CDC16: variants seen among roughly 807,000 people sequenced by gnomAD.
CDC16 encodes cell division cycle 16.
Under a neutral mutation model 87.0 loss-of-function variants are expected in CDC16, and 34 were observed. That is an observed-to-expected ratio of 0.39 (90% CI 0.30 to 0.52). CDC16 has a LOEUF of 0.52. Among genes scored for constraint, CDC16 ranks in the 20% least tolerant of loss-of-function variants. The pLI, the probability that CDC16 is intolerant of heterozygous loss-of-function variation, is 0.74. For synonymous variants in CDC16, 263 were observed against 260.6 expected, an observed-to-expected ratio of 1.01 and a Z score of -0.09; for missense variants, 653 against 751.9, an observed-to-expected ratio of 0.87 and a Z score of 1.54.
intron 6 of CDC16, 121 bp downstream of exon 6, chr13:114,242,401 C>A (rs2081597369): frequency 1.2e-6 from 1 of 845,720 alleles, no homozygotes; most frequent in Non-Finnish European, 1.9e-6. Context: ...GACCTACTCA[C>A]TTTCTTAATG....
At chr13:114,243,192 G>T in intron 6 of CDC16, 65 bp from the exon 7 acceptor site, 1 of 776,222 alleles carries the variant, frequency 1.3e-6, no homozygotes, top group Admixed American at 2.0e-5. Flanking sequence ...CATATTTTTA[G>T]TTGTTGGCTT....
In CDC16 at chr13:114,253,336, T is replaced by C. The variant is rs1001146400; in HGVS notation, c.1097+2662T>C. 3.9e-5 allele frequency among the ~76,000 whole-genome samples: 6 copies of C among 152,358 alleles called. No homozygotes were observed. The East Asian group carries it at 1.2e-3, about 29-fold the overall frequency. ...CCCAAATTTTCTTCTTTTGTTGTTT[T>C]TTAACTTAATTCCATTGTAGTTAGA... On this transcript the variant is annotated intron_variant, in intron 12 of 17. Transcript: ENST00000356221.
Position 114,238,970 on chromosome 13 carries a change from CAA to C in CDC16, c.202-18_202-17del. On this transcript the variant is annotated intron_variant, in intron 3 of 17. Transcript: ENST00000356221. ...CATATTATTTTGACCACTACTTAAACAAATTAATTTCTTTCCTAGTTGTATGA... is the reference window on the plus strand; with the variant it reads ...CATATTATTTTGACCACTACTTAAACATTAATTTCTTTCCTAGTTGTATGA... 6.2e-7 allele frequency: 1 copy of C among 1,606,588 alleles called. No homozygotes were observed. The highest frequency in any genetic ancestry group is 8.5e-7 in the Non-Finnish European group (1 of 1,175,098).
intron 15 of CDC16, among the ~76,000 whole-genome samples, chr13:114,262,515 C>T (rs1333763879): frequency 6.6e-6 from 1 of 152,202 alleles, no homozygotes; most frequent in Admixed American, 6.5e-5. Context: ...AAGCGATACT[C>T]CTTGACTGCT....
intron 17 of CDC16, among the ~76,000 whole-genome samples, chr13:114,267,898 C>A (rs1415807765): frequency 6.6e-6 from 1 of 152,202 alleles, no homozygotes; most frequent in East Asian, 1.9e-4. Flanking sequence ...TTAGGTAACA[C>A]CAGAGTGTGG....
At chr13:114,235,461 A>G (rs944380074) in intron 1 of CDC16, among the ~76,000 whole-genome samples, 2 of 152,232 alleles carry the variant, frequency 1.3e-5, no homozygotes, top group Non-Finnish European at 2.9e-5. Context: ...TTTGGAGGAA[A>G]GTTGCAGGGC....
chr13:114,269,168 T>A (rs1043268047), intron 17 of CDC16, among the ~76,000 whole-genome samples: 3 of 152,160 alleles, frequency 2.0e-5, no homozygotes, highest in African/African-American at 7.2e-5. Context: ...TCTAAAATGG[T>A]ACCATTCTCC....
chr13:114,270,413 C>T (rs1282162764), intron 17 of CDC16, among the ~76,000 whole-genome samples: 1 of 152,198 alleles, frequency 6.6e-6, no homozygotes, highest in Non-Finnish European at 1.5e-5. Flanking sequence ...TACCAGGCCC[C>T]ACCTCCAACA....
Position 114,236,890 on chromosome 13 carries a change from G to A in CDC16, c.195G>A (p.Leu65=). Residue 65 remains leucine, a synonymous_variant, in exon 3 of 18, where the codon CTG becomes CTA. Coordinates refer to ENST00000356221, the MANE Select transcript of CDC16 (RefSeq NM_001078645.3). The part of the protein sequence containing the change: ...RAAHALRSRK[L]DKLYEACRYL... ...CCCATGCACTTCGGTCACGAAAACTGGACAAAGTAAGTGATGGTATGAACT... is the reference window on the plus strand; with the variant it reads ...CCCATGCACTTCGGTCACGAAAACTAGACAAAGTAAGTGATGGTATGAACT... 2 of 1,581,096 alleles carry A rather than the reference G, an allele frequency of 1.3e-6. No individual in the cohort carries two copies. The highest frequency in any genetic ancestry group is 1.4e-5 in the African/African-American group (1 of 72,812).
chr13:114,250,532 T>G lies in CDC16; in HGVS notation c.972-17T>G. 1 of 1,604,804 alleles carries G rather than the reference T, an allele frequency of 6.2e-7. No individual in the cohort carries two copies. Among genetic ancestry groups the G allele is most frequent in the Non-Finnish European group, 8.5e-7 (1 of 1,173,652 alleles). On this transcript the variant is annotated splice_polypyrimidine_tract_variant and intron_variant, in intron 11 of 17. Coordinates refer to ENST00000356221, the MANE Select transcript of CDC16 (RefSeq NM_001078645.3). ...AGAATAAATACTATATGACTTAAAT[T>G]AACTCTTTTGTTTTAGCAAAGCCAC...
rs529878451 is a variant in CDC16 at position 114,270,378 on chromosome 13, C to A, written c.1604-1806C>A. 1.2e-4 allele frequency among the ~76,000 whole-genome samples: 18 copies of A among 152,290 alleles called. No homozygotes were observed. In the South Asian group the frequency reaches 2.7e-3, roughly 23 times the overall value. ...ATGGTACTAAACCATTCAGGAGAAACCACCCCCATGATCCAGTCACCTCCT... is the reference window on the plus strand; with the variant it reads ...ATGGTACTAAACCATTCAGGAGAAAACACCCCCATGATCCAGTCACCTCCT... On this transcript the variant is annotated intron_variant, in intron 17 of 17. Coordinates refer to ENST00000356221, the MANE Select transcript of CDC16 (RefSeq NM_001078645.3).
intron 13 of CDC16, 94 bp from the exon 14 acceptor site, chr13:114,259,241 A>G: frequency 2.8e-6 from 2 of 712,296 alleles, no homozygotes; most frequent in African/African-American, 1.9e-5. Context: ...ACCCCATTGC[A>G]TTTTAGTACT....
intron 4 of CDC16, 118 bp downstream of exon 4, chr13:114,239,146 A>C: frequency 1.4e-6 from 2 of 1,477,456 alleles, no homozygotes; most frequent in Middle Eastern, 2.0e-4. Flanking sequence ...GTATTTCATG[A>C]GGAAGTGTTC....
At chr13:114,243,079 A>T (rs2081640777) in intron 6 of CDC16, among the ~76,000 whole-genome samples, 178 bp from the exon 7 acceptor site, 1 of 152,120 alleles carries the variant, frequency 6.6e-6, no homozygotes, top group African/African-American at 2.4e-5. Context: ...CCACCAGATG[A>T]TTCCCGTCTT....
intron 17 of CDC16, among the ~76,000 whole-genome samples, chr13:114,270,914 C>CTTTTTTTTTTT (rs571053869): frequency 2.0e-5 from 2 of 101,140 alleles, no homozygotes; most frequent in Non-Finnish European, 3.8e-5. Flanking sequence ...AGAGATTTAC[C>CTTTTTTTTTTT]TTTTTTTTTT....
intron 5 of CDC16, among the ~76,000 whole-genome samples, chr13:114,240,621 G>T (rs533558904): frequency 6.6e-6 from 1 of 152,198 alleles, no homozygotes; most frequent in Non-Finnish European, 1.5e-5. Flanking sequence ...GTTTCCCAAA[G>T]TGTTGGGATT....
At chr13:114,248,249 T>G (rs2081974496) in intron 11 of CDC16, among the ~76,000 whole-genome samples, 1 of 152,212 alleles carries the variant, frequency 6.6e-6, no homozygotes, top group Admixed American at 6.5e-5. Flanking sequence ...GTTTCTTCCG[T>G]GCAAATAAAA....
At chr13:114,247,097 C>T in intron 11 of CDC16, 93 bp downstream of exon 11, 1 of 749,062 alleles carries the variant, frequency 1.3e-6, no homozygotes, top group Non-Finnish European at 2.3e-6. Flanking sequence ...ACTTTAAAAG[C>T]AATGTGAAAG....
At chr13:114,272,163 A>T in intron 17 of CDC16, 21 bp from the exon 18 acceptor site, 1 of 1,310,752 alleles carries the variant, frequency 7.6e-7, no homozygotes, top group Non-Finnish European at 1.1e-6. Flanking sequence ...ATTTTATTCT[A>T]ATTATAGTAT....
Sources: allele counts gnomAD v4.1 joint callset (sites outside exome capture counted in the v4.1 genomes callset), GRCh38; gene constraint gnomAD v4.1.1; transcripts MANE v1.5; gene names NCBI Gene and HGNC (gene_info 2026-07-23, HGNC 2026-07-21).